Variants in WNK1 observed in about 807,000 individuals in gnomAD.
WNK1 encodes serine/threonine-protein kinase WNK1.
WNK1 carries 38 observed loss-of-function variants against 222.8 expected under a neutral mutation model. That is an observed-to-expected ratio of 0.17 (90% CI 0.13 to 0.22). The LOEUF (loss-of-function observed/expected upper bound fraction) is 0.22, where lower values mean the gene tolerates loss of function less well. Ranked by LOEUF, WNK1 falls within the 10% of genes least tolerant of loss-of-function variation. The pLI is 1.00. For synonymous variants in WNK1, 1,090 were observed against 1,092.9 expected (o/e 1.00, Z 0.05); for missense variants, 2,348 against 2,918.4 (o/e 0.80, Z 4.50).
In WNK1 at chr12:868,130, T is replaced by C. The variant is rs72649855; in HGVS notation, c.2140-3135T>C. 2.6e-4 allele frequency: 412 copies of C among 1,614,016 alleles called. 1 individual carries two copies. In the African/African-American group the frequency reaches 5.0e-3, roughly 20 times the overall value. On this transcript the variant is annotated intron_variant, in intron 8 of 27. Coordinates refer to ENST00000315939, the MANE Select transcript of WNK1 (RefSeq NM_018979.4). ...CTGGACACCAGAGGCCGTAGTTATG[T>C]TGGGTACTACAGCCAGTAGAGTAAC...
At chr12:765,257 A>G (rs1327670697) in intron 1 of WNK1, among the ~76,000 whole-genome samples, 4 of 148,138 alleles carry the variant, frequency 2.7e-5, no homozygotes, top group Admixed American at 6.7e-5. Flanking sequence ...CAGATAAAGA[A>G]CATTTTCAGG....
intron 1 of WNK1, among the ~76,000 whole-genome samples, chr12:782,466 T>C (rs1943810404): frequency 6.6e-6 from 1 of 152,130 alleles, no homozygotes; most frequent in Non-Finnish European, 1.5e-5. Context: ...TGAATAACAT[T>C]GGATATATTA....
chr12:776,572 A>G (rs1461913475), intron 1 of WNK1, among the ~76,000 whole-genome samples: 2 of 152,070 alleles, frequency 1.3e-5, no homozygotes, highest in African/African-American at 4.8e-5. Flanking sequence ...CTGGGACTAC[A>G]GGTGCGTGCC....
intron 1 of WNK1, among the ~76,000 whole-genome samples, chr12:800,959 AT>A (rs1945809168): frequency 6.6e-6 from 1 of 152,094 alleles, no homozygotes; most frequent in African/African-American, 2.4e-5. Context: ...CTCATGTCTC[AT>A]TTCTGCTTTA....
At chr12:769,764 C>G (rs1942245735) in intron 1 of WNK1, among the ~76,000 whole-genome samples, 1 of 152,058 alleles carries the variant, frequency 6.6e-6, no homozygotes, top group Admixed American at 6.6e-5. Context: ...ATATAAAGAA[C>G]AGAAGTTTAT....
rs758059019 is a variant in WNK1, at chr12:871,221, C to T, written c.2140-44C>T. On this transcript the variant is annotated intron_variant, in intron 8 of 27. Transcript: ENST00000315939. Reference sequence around the variant, plus strand: ...CAAAAGCCTGACCTCTATACACTTACTTTAGGCCTTCTCTAATTTGTTGTG... The same window carrying T: ...CAAAAGCCTGACCTCTATACACTTATTTTAGGCCTTCTCTAATTTGTTGTG... 44 of 1,572,676 alleles carry T rather than the reference C, an allele frequency of 2.8e-5. No individual in the cohort carries two copies. In the East Asian group the frequency reaches 9.8e-4, roughly 35 times the overall value.
At position 910,821 on chromosome 12, in the gene WNK1, A is replaced by C. The variant is rs1477107093; in HGVS notation, c.*2029A>C. On this transcript the variant is annotated 3_prime_UTR_variant, in exon 28 of 28. Transcript: ENST00000315939. The stretch of plus-strand genomic sequence containing the variant: ...CTACGGCCCTAAATATGCAAATGAG[A>C]GCTGAAGGTTTTTAAAAGGTAGAAA... The C allele has an allele frequency of 6.6e-6, 1 of 152,490 alleles. No individual in the cohort carries two copies. The highest frequency in any genetic ancestry group is 1.5e-5 in the Non-Finnish European group (1 of 68,266). The allele number at this position is 152,490 out of a possible 1,614,324, so 9.4% of individuals were successfully genotyped here. A position where few individuals can be genotyped will look rare whatever the true frequency, so the allele number is the denominator to read the frequency against.
intron 4 of WNK1, among the ~76,000 whole-genome samples, chr12:853,485 A>G (rs1950548177): frequency 6.6e-6 from 1 of 152,316 alleles, no homozygotes; most frequent in Admixed American, 6.5e-5. Context: ...TAATACTTCA[A>G]GGAGCTTTGA....
chr12:850,081 C>G (rs1950306685), intron 4 of WNK1, among the ~76,000 whole-genome samples: 1 of 151,980 alleles, frequency 6.6e-6, no homozygotes, highest in Non-Finnish European at 1.5e-5. Flanking sequence ...GGGTATATAC[C>G]CAGTAATGGG....
intron 4 of WNK1, among the ~76,000 whole-genome samples, chr12:836,437 T>A (rs1404361813): frequency 6.6e-6 from 1 of 152,232 alleles, no homozygotes; most frequent in Non-Finnish European, 1.5e-5. Flanking sequence ...CTAGATTGAC[T>A]CTGAAATGTC....
chr12:823,098 A>G (rs1442089044), intron 2 of WNK1, among the ~76,000 whole-genome samples: 1 of 152,162 alleles, frequency 6.6e-6, no homozygotes, highest in Non-Finnish European at 1.5e-5. Flanking sequence ...CACTTTAAAT[A>G]TGTCATCCCA....
rs184764148 is a variant in WNK1 at position 896,228 on chromosome 12, T to C, written c.5741T>C (p.Ile1914Thr). ...AAACCAGAGCCGAATGGCATAACCATCCCTGGTATCTCTTCAGATGTGCCA... is the reference window on the plus strand; with the variant it reads ...AAACCAGAGCCGAATGGCATAACCACCCCTGGTATCTCTTCAGATGTGCCA... ...LVKPEPNGITIPGISSDVPES... is the reference protein window; with the variant it reads ...LVKPEPNGITTPGISSDVPES... The change falls in exon 24 of 28, where the codon ATC becomes ACC. Residue 1914 changes from isoleucine (I) to threonine (T), a missense_variant. Ile to Thr is a moderately conservative substitution (Grantham distance 89). Around this residue, in one of 13 missense-constraint regions of WNK1, gnomAD observed 1,144 missense variants for 1,273.6 expected, o/e 0.90. Transcript: ENST00000315939. 79 of 1,614,122 alleles carry C rather than the reference T, an allele frequency of 4.9e-5. No individual in the cohort carries two copies. In the African/African-American group the frequency reaches 9.6e-4, roughly 20 times the overall value.
intron 8 of WNK1, among the ~76,000 whole-genome samples, 158 bp from the exon 9 acceptor site, chr12:871,107 A>C (rs1473669885): frequency 6.6e-6 from 1 of 152,174 alleles, no homozygotes; most frequent in Non-Finnish European, 1.5e-5. Context: ...TTTTTCTTAC[A>C]AAAGTTGACC....
intron 1 of WNK1, among the ~76,000 whole-genome samples, chr12:773,464 C>A (rs1942769430): frequency 6.6e-6 from 1 of 152,146 alleles, no homozygotes; most frequent in Admixed American, 6.5e-5. Context: ...AAAGGAACTA[C>A]TTCCCAATCA....
chr12:865,004 G>T, intron 8 of WNK1: 1 of 1,378,222 alleles, frequency 7.3e-7, no homozygotes, highest in African/African-American at 1.5e-5. Context: ...AATTGGGAGA[G>T]GATGGAACAT....
intron 2 of WNK1, among the ~76,000 whole-genome samples, chr12:824,509 G>A (rs1591870376): frequency 6.6e-6 from 1 of 151,998 alleles, no homozygotes; most frequent in Non-Finnish European, 1.5e-5. Flanking sequence ...CATAATATAT[G>A]TGTAATTTTC....
chr12:849,809 C>T (rs1950288416), intron 4 of WNK1, among the ~76,000 whole-genome samples: 1 of 150,944 alleles, frequency 6.6e-6, no homozygotes, highest in African/African-American at 2.4e-5. Context: ...TGAGTGAGAA[C>T]ATGTGGTGTT....
intron 1 of WNK1, among the ~76,000 whole-genome samples, chr12:807,346 A>C (rs1027288062): frequency 2.7e-5 from 2 of 74,012 alleles, no homozygotes; most frequent in Admixed American, 1.4e-4. Context: ...TTTTGCTTTT[A>C]TTTCTTTAAG....
chr12:820,151 A>G (rs1410913193), intron 2 of WNK1, among the ~76,000 whole-genome samples: 1 of 152,202 alleles, frequency 6.6e-6, no homozygotes, highest in East Asian at 1.9e-4. Flanking sequence ...ATCATTTTGT[A>G]TAGTATCACC....
Sources: gnomAD v4.1 joint callset for allele counts (sites outside exome capture counted in the v4.1 genomes callset) on GRCh38, gnomAD v4.1.1 for gene constraint, gnomAD v4.1.1 regional missense constraint, MANE v1.5 for transcripts, NCBI Gene and HGNC (gene_info 2026-07-23, HGNC 2026-07-21) for gene names.